The following PLCG1 variants were observed in gnomAD, a reference collection of about 807,000 sequenced individuals.
PLCG1 encodes 1-phosphatidylinositol 4,5-bisphosphate phosphodiesterase gamma-1.
A neutral mutation model predicts 177.8 loss-of-function variants in PLCG1; 71 were observed. The observed-to-expected ratio is 0.40, with a 90% CI of 0.33 to 0.49. The LOEUF (loss-of-function observed/expected upper bound fraction) is 0.49, where lower values mean the gene tolerates loss of function less well. PLCG1 is among the 20% of genes least tolerant of loss of function. The pLI is 0.72. For synonymous variants in PLCG1, 658 were observed against 647.9 expected (o/e 1.02, Z -0.24); for missense variants, 1,281 against 1,709.0 (o/e 0.75, Z 4.42).
In PLCG1 at chr20:41,166,670, C is replaced by T; in HGVS notation, c.2121-9C>T. 2 of 1,614,086 alleles carry T rather than the reference C, an allele frequency of 1.2e-6. No homozygotes were observed. Among genetic ancestry groups the T allele is most frequent in the Non-Finnish European group, 1.7e-6 (2 of 1,180,004 alleles). ...CCTGACCCTGTGTGACTGTTTTGTC[C>T]TTGTGAAGGGCTGAGGGCAAGATCA... is the stretch of plus-strand genomic sequence containing the variant. On this transcript the variant is annotated splice_polypyrimidine_tract_variant and intron_variant, in intron 18 of 31. Coordinates refer to ENST00000685551, the MANE Select transcript of PLCG1 (RefSeq NM_002660.3). This position sits in a 1 kb window ranked among gnomAD's most constrained non-coding sequence, Gnocchi z 8.6.
chr20:41,154,560 A>C (rs2035261140), intron 1 of PLCG1, among the ~76,000 whole-genome samples: 1 of 150,690 alleles, frequency 6.6e-6, no homozygotes, highest in African/African-American at 2.4e-5. Flanking sequence ...TGGTTATCCC[A>C]CTTTACTGGA....
At chr20:41,138,546 G>A (rs2034695230) in intron 1 of PLCG1, among the ~76,000 whole-genome samples, 1 of 151,128 alleles carries the variant, frequency 6.6e-6, no homozygotes, top group Non-Finnish European at 1.5e-5. Context: ...TGGGTGGGCA[G>A]ACACTCAATG....
In PLCG1 at chr20:41,169,561, C is replaced by G. The variant is rs373329180; in HGVS notation, c.2650+35C>G. 2.6e-6 allele frequency: 4 copies of G among 1,514,372 alleles called. No homozygotes were observed. The African/African-American group carries it at 5.5e-5, about 21-fold the overall frequency. The allele number at this position is 1,514,372 out of a possible 1,614,324, so 93.8% of individuals were successfully genotyped here. A position where few individuals can be genotyped will look rare whatever the true frequency, so the allele number is the denominator to read the frequency against. ...CATCTGTTTCTCTTGCCCACTGTTC[C>G]CTAGGGTGAGATTCTTCTTTGTATC... On this transcript the variant is annotated intron_variant, in intron 23 of 31. Transcript: ENST00000685551.
chr20:41,170,563 G>A (rs1199473055), intron 24 of PLCG1: 2 of 329,528 alleles, frequency 6.1e-6, no homozygotes, highest in Non-Finnish European at 1.1e-5. Context: ...TGGGCTGGAA[G>A]CAGGAGTGGA....
chr20:41,145,784 T>A (rs1277857087), intron 1 of PLCG1, among the ~76,000 whole-genome samples: 3 of 152,206 alleles, frequency 2.0e-5, no homozygotes, highest in African/African-American at 7.2e-5. Flanking sequence ...TGGAGTTGGT[T>A]GCCTTAAGAG....
intron 24 of PLCG1, chr20:41,170,498 G>A: frequency 1.9e-6 from 1 of 531,714 alleles, no homozygotes; most frequent in African/African-American, 1.9e-5. Flanking sequence ...TCGTTGAAGT[G>A]GGTCTGCTTA....
chr20:41,142,428 G>A (rs2034859893), intron 1 of PLCG1, among the ~76,000 whole-genome samples: 1 of 152,230 alleles, frequency 6.6e-6, no homozygotes, highest in Non-Finnish European at 1.5e-5. Context: ...CTCTGCCTGG[G>A]AGACCACAGT....
chr20:41,166,840 T>C lies in PLCG1; in HGVS notation c.2282T>C (p.Leu761Pro). 6.2e-7 allele frequency: 1 copy of C among 1,614,056 alleles called. No individual in the cohort carries two copies. The highest frequency in any genetic ancestry group is 1.3e-5 in the African/African-American group (1 of 75,028). Residue 761 changes from leucine to proline, a missense_variant, in exon 19 of 32, where the codon CTG (leucine) becomes CCG (proline). Physicochemically the swap from Leu to Pro is moderately conservative, Grantham distance 98. Coordinates refer to ENST00000685551, the MANE Select transcript of PLCG1 (RefSeq NM_002660.3). The surrounding 1 kb of genome is among the most constrained non-coding windows in gnomAD (Gnocchi z 8.6). ...CGCTATCCCATCAACGAGGAGGCACTGGAGAAGATTGGCACAGCTGTGAGG... is the reference window on the plus strand; with the variant it reads ...CGCTATCCCATCAACGAGGAGGCACCGGAGAAGATTGGCACAGCTGTGAGG... Reference protein sequence around the residue: ...KLRYPINEEALEKIGTAEPDY... With the variant: ...KLRYPINEEAPEKIGTAEPDY...
At chr20:41,171,308 C>T (rs559242821) in intron 24 of PLCG1, among the ~76,000 whole-genome samples, 2 of 152,178 alleles carry the variant, frequency 1.3e-5, no homozygotes, top group Non-Finnish European at 2.9e-5. Context: ...CCACTGAGGC[C>T]GGGCGTGGTG....
At position 41,163,539 on chromosome 20, in the gene PLCG1, C is replaced by T; in HGVS notation, c.891+60C>T. On this transcript the variant is annotated intron_variant, in intron 9 of 31. Coordinates refer to ENST00000685551, the MANE Select transcript of PLCG1 (RefSeq NM_002660.3). The surrounding 1 kb of genome is among the most constrained non-coding windows in gnomAD (Gnocchi z 5.2). Reference sequence around the variant, plus strand: ...GAATGAGTAGGGGTGACCAGGACCCCACCCGGGCTCCAGGAGCTAGACGCT... The same window carrying T: ...GAATGAGTAGGGGTGACCAGGACCCTACCCGGGCTCCAGGAGCTAGACGCT... 10 of 1,296,838 alleles carry T rather than the reference C, an allele frequency of 7.7e-6. No homozygotes were observed. In the South Asian group the frequency reaches 1.1e-4, roughly 14 times the overall value. The allele number at this position is 1,296,838 out of a possible 1,614,324, so 80.3% of individuals were successfully genotyped here.
rs2035584259 is a variant in PLCG1, at chr20:41,163,540, A to C, written c.891+61A>C. The C allele has an allele frequency of 6.2e-6, 8 of 1,287,972 alleles. No homozygotes were observed. 79.8% of individuals were successfully genotyped at this position (1,287,972 alleles called of 1,614,324 possible). A position where few individuals can be genotyped will look rare whatever the true frequency, so the allele number is the denominator to read the frequency against. Reference sequence around the variant, plus strand: ...AATGAGTAGGGGTGACCAGGACCCCACCCGGGCTCCAGGAGCTAGACGCTC... The same window carrying C: ...AATGAGTAGGGGTGACCAGGACCCCCCCCGGGCTCCAGGAGCTAGACGCTC... On this transcript the variant is annotated intron_variant, in intron 9 of 31. Transcript: ENST00000685551. This position sits in a 1 kb window ranked among gnomAD's most constrained non-coding sequence, Gnocchi z 5.2.
Position 41,164,974 on chromosome 20 carries a change from C to G in PLCG1, c.1259C>G (p.Ala420Gly). The G allele has an allele frequency of 6.2e-7, 1 of 1,614,170 alleles. No homozygotes were observed. Among genetic ancestry groups the G allele is most frequent in the South Asian group, 1.1e-5 (1 of 91,076 alleles). The change falls in exon 13 of 32, where the codon GCC (alanine) becomes GGC (glycine). Residue 420 changes from alanine (A) to glycine (G), a missense_variant. Transcript: ENST00000685551. The surrounding 1 kb of genome is among the most constrained non-coding windows in gnomAD (Gnocchi z 6.4). ...ILSIEDHCSI[A>G]QQRNMAQYFK... ...TCCATTGAGGACCACTGCAGCATTGCCCAGCAGAGAAACATGGCCCAATAC... is the reference window on the plus strand; with the variant it reads ...TCCATTGAGGACCACTGCAGCATTGGCCAGCAGAGAAACATGGCCCAATAC...
rs750902951 is a variant in PLCG1 at position 41,166,578 on chromosome 20, A to G, written c.2103A>G (p.Ser701=). ...FLVRKRNEPN[S]YAISFRAEGK... Reference sequence around the variant, plus strand: ...TGCGGAAGCGGAATGAACCCAACTCATATGCCATCTCTTTCCGGTGAGGGG... The same window carrying G: ...TGCGGAAGCGGAATGAACCCAACTCGTATGCCATCTCTTTCCGGTGAGGGG... The change falls in exon 18 of 32, where the codon TCA becomes TCG. Residue 701 remains serine, a synonymous_variant. Transcript: ENST00000685551. The surrounding 1 kb of genome is among the most constrained non-coding windows in gnomAD (Gnocchi z 8.6). The G allele has an allele frequency of 6.2e-7, 1 of 1,614,184 alleles. No homozygotes were observed. The highest frequency in any genetic ancestry group is 1.7e-5 in the Admixed American group (1 of 60,024).
chr20:41,167,416 C>G lies in PLCG1; in HGVS notation c.2302-436C>G, dbSNP rs904982543. ...CAGGGCTGGCTGGGGAGAGAGAGGCCTGTTGTCCACTGGCACCTGGGACTC... is the reference window on the plus strand; with the variant it reads ...CAGGGCTGGCTGGGGAGAGAGAGGCGTGTTGTCCACTGGCACCTGGGACTC... On this transcript the variant is annotated intron_variant, in intron 19 of 31. Coordinates refer to ENST00000685551, the MANE Select transcript of PLCG1 (RefSeq NM_002660.3). This position sits in a 1 kb window ranked among gnomAD's most constrained non-coding sequence, Gnocchi z 4.4. Among the ~76,000 whole-genome samples, 2 of 152,156 alleles carry G rather than the reference C, an allele frequency of 1.3e-5. No homozygotes were observed. Among genetic ancestry groups the G allele is most frequent in the African/African-American group, 4.8e-5 (2 of 41,438 alleles).
At position 41,170,403 on chromosome 20, in the gene PLCG1, G is replaced by A. The variant is rs562227359; in HGVS notation, c.2808+134G>A. ...CTATGCTAGATAGGCCACAGCCCCT[G>A]CCTTAGCTAGGGATTGAGAAGAAAC... On this transcript the variant is annotated intron_variant, in intron 24 of 31. Transcript: ENST00000685551. 110 of 809,508 alleles carry A rather than the reference G, an allele frequency of 1.4e-4. 1 individual carries two copies. In the African/African-American group the frequency reaches 1.7e-3, roughly 13 times the overall value. 50.1% of individuals were successfully genotyped at this position (809,508 alleles called of 1,614,324 possible).
At chr20:41,168,999 T>C in intron 21 of PLCG1, 80 bp from the exon 22 acceptor site, 1 of 1,253,590 alleles carries the variant, frequency 8.0e-7, no homozygotes, top group Non-Finnish European at 1.2e-6. Flanking sequence ...GGCTTAGGCA[T>C]GGGAACCCCT....
rs2035586891 is a variant in PLCG1 at position 41,163,613 on chromosome 20, C to G, written c.892-102C>G. 9.4e-7 allele frequency: 1 copy of G among 1,067,874 alleles called. No homozygotes were observed. Among genetic ancestry groups the G allele is most frequent in the East Asian group, 2.4e-5 (1 of 42,398 alleles). 66.1% of individuals were successfully genotyped at this position (1,067,874 alleles called of 1,614,324 possible). ...TACCTACTGTGCACCTTGCCCACCC[C>G]CAGTTGGGACAGAGCACTCTCTCTC... On this transcript the variant is annotated intron_variant, in intron 9 of 31. Transcript: ENST00000685551. The surrounding 1 kb of genome is among the most constrained non-coding windows in gnomAD (Gnocchi z 5.2).
At position 41,173,526 on chromosome 20, in the gene PLCG1, A is replaced by G. The variant is rs2035968746; in HGVS notation, c.3386A>G (p.Glu1129Gly). 2 of 1,613,530 alleles carry G rather than the reference A, an allele frequency of 1.2e-6. No individual in the cohort carries two copies. Among genetic ancestry groups the G allele is most frequent in the Non-Finnish European group, 8.5e-7 (1 of 1,179,848 alleles). The stretch of plus-strand genomic sequence containing the variant: ...TATGACAGCACCAAGCAGAAGACAG[A>G]GTTTGTGGGTCAGTCTGTCTTCCCA... The part of the protein sequence containing the change: ...AEYDSTKQKT[E>G]FVVDNGLNPV... The change falls in exon 28 of 32, where the codon GAG becomes GGG. Residue 1129 changes from glutamate to glycine, a missense_variant. Transcript: ENST00000685551. The surrounding 1 kb of genome is among the most constrained non-coding windows in gnomAD (Gnocchi z 6.2).
chr20:41,162,778 CA>C (rs1194263541), intron 6 of PLCG1, 53 bp downstream of exon 6: 6 of 1,471,848 alleles, frequency 4.1e-6, no homozygotes, highest in Non-Finnish European at 5.7e-6. Flanking sequence ...TTCCACCCCA[CA>C]CCCCAGCTCT....
Sources: gnomAD v4.1 joint callset for allele counts (sites outside exome capture counted in the v4.1 genomes callset) on GRCh38, gnomAD v4.1.1 for gene constraint, Gnocchi (gnomAD v3.1) non-coding constraint, MANE v1.5 for transcripts, NCBI Gene and HGNC (gene_info 2026-07-23, HGNC 2026-07-21) for gene names.